The following EPB41L5 variants were observed in gnomAD, a reference collection of about 807,000 sequenced individuals.
EPB41L5 encodes the protein erythrocyte membrane protein band 4.1 like 5, also known as band 4.1-like protein 5.
In EPB41L5, 55 loss-of-function variants were observed where a neutral mutation model predicts 106.6. The observed-to-expected ratio is 0.52, with a 90% CI of 0.42 to 0.65. The LOEUF (loss-of-function observed/expected upper bound fraction) is 0.65, where lower values mean the gene tolerates loss of function less well. EPB41L5 is among the 30% of genes least tolerant of loss of function. EPB41L5 has a pLI of 0.00. For missense variants in EPB41L5, 871 were observed against 882.1 expected (o/e 0.99, Z 0.16); for synonymous variants, 297 against 306.7 (o/e 0.97, Z 0.33).
intron 17 of EPB41L5, among the ~76,000 whole-genome samples, chr2:120,130,002 C>T (rs1168215881): frequency 1.3e-5 from 2 of 152,044 alleles, no homozygotes; most frequent in African/African-American, 4.8e-5. Flanking sequence ...AAAAATTAGC[C>T]GGCCATGGTG....
chr2:120,147,076 G>A (rs540833608), intron 20 of EPB41L5, among the ~76,000 whole-genome samples: 49 of 152,228 alleles, frequency 3.2e-4, no homozygotes, highest in African/African-American at 1.1e-3. Flanking sequence ...TGCCAGGCAC[G>A]GTGTCTCAGA....
intron 24 of EPB41L5, among the ~76,000 whole-genome samples, chr2:120,171,996 A>G (rs1687695386): frequency 6.8e-6 from 1 of 148,014 alleles, no homozygotes; most frequent in South Asian, 2.2e-4. Context: ...CCATGCAACA[A>G]TAACAGGAAA....
intron 18 of EPB41L5, among the ~76,000 whole-genome samples, chr2:120,137,298 C>T (rs1299214610): frequency 1.3e-5 from 2 of 151,726 alleles, no homozygotes; most frequent in Non-Finnish European, 2.9e-5. Flanking sequence ...AATGATGCAT[C>T]TTAAGGAACT....
chr2:120,080,868 CA>C (rs34224606), intron 10 of EPB41L5, among the ~76,000 whole-genome samples: 6,944 of 152,230 alleles, frequency 0.046, 224 homozygotes, highest in Non-Finnish European at 0.071. Flanking sequence ...TGATGATGAG[CA>C]TTTTTTCATG....
chr2:120,079,015 T>C (rs1205290058), intron 10 of EPB41L5, among the ~76,000 whole-genome samples: 3 of 152,220 alleles, frequency 2.0e-5, no homozygotes, highest in East Asian at 1.9e-4. Context: ...GTTCATACTT[T>C]TAAATTACAT....
intron 16 of EPB41L5, among the ~76,000 whole-genome samples, chr2:120,122,220 T>C (rs1188042567): frequency 6.6e-6 from 1 of 152,222 alleles, no homozygotes; most frequent in Non-Finnish European, 1.5e-5. Context: ...TTGCCATTGC[T>C]TTTGGTGTTT....
chr2:120,104,278 C>G, intron 16 of EPB41L5: 1 of 1,518,194 alleles, frequency 6.6e-7, no homozygotes, highest in Non-Finnish European at 8.8e-7. Context: ...CTTTGTCATG[C>G]AAGTTGATGG....
chr2:120,049,572 A>G (rs1680072628), intron 3 of EPB41L5, among the ~76,000 whole-genome samples: 1 of 151,872 alleles, frequency 6.6e-6, no homozygotes, highest in Non-Finnish European at 1.5e-5. Context: ...TGCAGGTGAG[A>G]TGGGTCTCCT....
At chr2:120,100,531 GACT>G (rs1684073313) in intron 15 of EPB41L5, among the ~76,000 whole-genome samples, 165 bp from the exon 16 acceptor site, 1 of 152,062 alleles carries the variant, frequency 6.6e-6, no homozygotes, top group South Asian at 2.1e-4. Flanking sequence ...TAATTTAACT[GACT>G]ACTAATATTT....
chr2:120,170,497 G>T (rs954839859), intron 24 of EPB41L5, among the ~76,000 whole-genome samples: 2 of 152,198 alleles, frequency 1.3e-5, no homozygotes, highest in African/African-American at 4.8e-5. Context: ...TTCCTAGCTG[G>T]TGATTGCCAA....
chr2:120,076,470 CTTTTTTTT>C (rs35333671), intron 7 of EPB41L5, among the ~76,000 whole-genome samples: 18 of 58,882 alleles, frequency 3.1e-4, no homozygotes, highest in African/African-American at 1.3e-3. Context: ...AATTTTTGTA[CTTTTTTTT>C]TTTTTTTTTT....
chr2:120,152,970 T>C (rs1450439886), intron 20 of EPB41L5, among the ~76,000 whole-genome samples: 1 of 152,228 alleles, frequency 6.6e-6, no homozygotes, highest in Non-Finnish European at 1.5e-5. Flanking sequence ...ATTAGTTGAA[T>C]CTTTTCTTCC....
At chr2:120,078,423 T>A in intron 9 of EPB41L5, 70 bp from the exon 10 acceptor site, 1 of 935,358 alleles carries the variant, frequency 1.1e-6, no homozygotes, top group Non-Finnish European at 1.6e-6. Context: ...AAATAAAATT[T>A]AAAAGTTGTG....
intron 20 of EPB41L5, among the ~76,000 whole-genome samples, chr2:120,158,090 T>C (rs1686977776): frequency 6.6e-6 from 1 of 152,064 alleles, no homozygotes; most frequent in Non-Finnish European, 1.5e-5. Flanking sequence ...AGCTCCAAAA[T>C]TGAATCAGTA....
chr2:120,045,858 C>CCTGTGT (rs1679735518), intron 3 of EPB41L5, among the ~76,000 whole-genome samples: 1 of 149,298 alleles, frequency 6.7e-6, no homozygotes, highest in Non-Finnish European at 1.5e-5. Flanking sequence ...TGCTCGCCTT[C>CCTGTGT]CCAAGTGTTC....
intron 16 of EPB41L5, among the ~76,000 whole-genome samples, chr2:120,126,535 A>G (rs1685467158): frequency 6.6e-6 from 1 of 152,168 alleles, no homozygotes; most frequent in African/African-American, 2.4e-5. Context: ...TGGTTGTCCT[A>G]GTACCATTTG....
intron 3 of EPB41L5, among the ~76,000 whole-genome samples, chr2:120,048,382 G>T (rs1679974473): frequency 6.6e-6 from 1 of 152,112 alleles, no homozygotes; most frequent in African/African-American, 2.4e-5. Context: ...TCCTGGTTTA[G>T]TCTTGGGAGG....
chr2:120,062,035 C>G (rs1246192986), intron 3 of EPB41L5, among the ~76,000 whole-genome samples: 1 of 151,970 alleles, frequency 6.6e-6, no homozygotes, highest in Non-Finnish European at 1.5e-5. Flanking sequence ...AATATAAGCA[C>G]TTCTAATAAA....
chr2:120,021,485 A>G (rs978951710), intron 2 of EPB41L5, among the ~76,000 whole-genome samples: 1 of 152,026 alleles, frequency 6.6e-6, no homozygotes, highest in African/African-American at 2.4e-5. Context: ...TCTACTAAAA[A>G]TACAAAATAG....
Sources: allele counts gnomAD v4.1 joint callset (sites outside exome capture counted in the v4.1 genomes callset), GRCh38; gene constraint gnomAD v4.1.1; transcripts MANE v1.5; gene names NCBI Gene and HGNC (gene_info 2026-07-23, HGNC 2026-07-21).